Variants in BBS7 observed in about 807,000 individuals in gnomAD.
BBS7 encodes BBSome complex member BBS7.
In BBS7, 50 loss-of-function variants were observed where a neutral mutation model predicts 90.3. That is an observed-to-expected ratio of 0.55 (90% CI 0.44 to 0.70). The LOEUF is 0.70. Ranked by LOEUF, BBS7 falls within the 30% of genes least tolerant of loss-of-function variation. The pLI, the probability that BBS7 is intolerant of heterozygous loss-of-function variation, is 0.00. For synonymous variants in BBS7, 235 were observed against 287.4 expected (o/e 0.82, Z 1.85); for missense variants, 729 against 838.9 (o/e 0.87, Z 1.62).
intron 1 of BBS7, among the ~76,000 whole-genome samples, chr4:121,868,374 A>G (rs1727398377): frequency 6.6e-6 from 1 of 152,124 alleles, no homozygotes; most frequent in Non-Finnish European, 1.5e-5. Context: ...TTGAAAATAG[A>G]TTATAGTTAT....
Position 121,826,012 on chromosome 4 carries a change from A to G in BBS7, c.2015-19T>C. 6.4e-7 allele frequency: 1 copy of G among 1,570,490 alleles called. No individual in the cohort carries two copies. On this transcript the variant is annotated intron_variant, in intron 18 of 18. Coordinates refer to ENST00000264499, the MANE Select transcript of BBS7 (RefSeq NM_176824.3). ...ATCATGCCTTTAAAGAAAAAACATA[A>G]ATTTCCTGTCAGTGATTAGTTATAT...
chr4:121,855,085 A>G (rs1726533755), intron 6 of BBS7, among the ~76,000 whole-genome samples: 1 of 151,908 alleles, frequency 6.6e-6, no homozygotes, highest in South Asian at 2.1e-4. Context: ...GACTGAGGTG[A>G]GAGGATCCCT....
intron 2 of BBS7, among the ~76,000 whole-genome samples, chr4:121,865,271 C>T (rs961956351): frequency 3.3e-5 from 5 of 151,140 alleles, no homozygotes. Context: ...AGAGTTTTGC[C>T]CTTGTCGGCC....
Position 121,825,778 on chromosome 4 carries a change from C to CA in BBS7, c.*81dup. ...TAAAAAAGCATTTGAAATTAAAGTA[C>CA]ATACACAGTTAACTTCTAATTCTCT... On this transcript the variant is annotated 3_prime_UTR_variant, in exon 19 of 19. Coordinates refer to ENST00000264499, the MANE Select transcript of BBS7 (RefSeq NM_176824.3). 7.0e-7 allele frequency: 1 copy of CA among 1,420,176 alleles called. No homozygotes were observed. Among genetic ancestry groups the CA allele is most frequent in the South Asian group, 1.2e-5 (1 of 82,886 alleles). The allele number at this position is 1,420,176 out of a possible 1,614,324, so 88.0% of individuals were successfully genotyped here.
Position 121,870,326 on chromosome 4 carries a change from G to T in BBS7, c.-13C>A, listed in dbSNP as rs545894476. On this transcript the variant is annotated 5_prime_UTR_variant, in exon 1 of 19. Transcript: ENST00000264499. ...AAATCAGATCCATGATGACTACGCG[G>T]AGGGGCTAAGCAGCGCCGGACAAGA... The T allele has an allele frequency of 6.2e-7, 1 of 1,614,034 alleles. No individual in the cohort carries two copies. The highest frequency in any genetic ancestry group is 8.5e-7 in the Non-Finnish European group (1 of 1,180,010).
intron 14 of BBS7, 138 bp from the exon 15 acceptor site, chr4:121,833,533 C>A (rs749458149): frequency 7.4e-6 from 6 of 812,352 alleles, no homozygotes; most frequent in Non-Finnish European, 5.9e-6. Context: ...TAATCTTATA[C>A]GTCAAATAAA....
At position 121,861,516 on chromosome 4, in the gene BBS7, C is replaced by T. The variant is rs775395171; in HGVS notation, c.329G>A (p.Ser110Asn). 12 of 1,612,034 alleles carry T rather than the reference C, an allele frequency of 7.4e-6. No individual in the cohort carries two copies. The East Asian group carries it at 2.0e-4, about 27-fold the overall frequency. The part of the protein sequence containing the change: ...FLSFETNLTE[S>N]IKAMHISGSD... ...ACAAAAGACATACATAGCTTTAATG[C>T]TTTCAGTGAGGTTTGTTTCAAAGGA... The change falls in exon 4 of 19, where the codon AGC becomes AAC. Residue 110 changes from serine (S) to asparagine (N), a missense_variant. Ser to Asn is a conservative substitution (Grantham distance 46, BLOSUM62 1). Coordinates refer to ENST00000264499, the MANE Select transcript of BBS7 (RefSeq NM_176824.3).
intron 5 of BBS7, among the ~76,000 whole-genome samples, chr4:121,857,291 A>AT (rs1423482828): frequency 2.0e-5 from 3 of 150,486 alleles, no homozygotes; most frequent in East Asian, 2.0e-4. Context: ...GCCCAGCTAA[A>AT]TTTTTTTTAA....
In BBS7 at chr4:121,825,992, G is replaced by A. The variant is rs1323107007; in HGVS notation, c.2016C>T (p.Gly672=). ...TATCTATGAAAAGATCAGTGATCATGCCTTTAAAGAAAAAACATAAATTTC... is the reference window on the plus strand; with the variant it reads ...TATCTATGAAAAGATCAGTGATCATACCTTTAAAGAAAAAACATAAATTTC... ...KQPAHLERLY[G]MITDLFIDKF... Residue 672 remains glycine, a splice_region_variant and synonymous_variant, in exon 19 of 19, where the codon GGC becomes GGT. Coordinates refer to ENST00000264499, the MANE Select transcript of BBS7 (RefSeq NM_176824.3). 6 of 1,593,530 alleles carry A rather than the reference G, an allele frequency of 3.8e-6. No homozygotes were observed. The highest frequency in any genetic ancestry group is 1.1e-5 in the South Asian group (1 of 90,546).
In BBS7 at chr4:121,847,510, T is replaced by C. The variant is rs373824353; in HGVS notation, c.935-4A>G. ...GTTGTCAGACCTGTAACCCAGCCTG[T>C]AGAGATGAATTACAATCACGCACCA... On this transcript the variant is annotated splice_region_variant and splice_polypyrimidine_tract_variant and intron_variant, in intron 9 of 18. Transcript: ENST00000264499. 1 of 1,595,210 alleles carries C rather than the reference T, an allele frequency of 6.3e-7. No individual in the cohort carries two copies. Among genetic ancestry groups the C allele is most frequent in the Non-Finnish European group, 8.6e-7 (1 of 1,163,114 alleles).
At chr4:121,859,258 T>C in intron 4 of BBS7, 80 bp from the exon 5 acceptor site, 2 of 1,175,446 alleles carry the variant, frequency 1.7e-6, no homozygotes, top group Non-Finnish European at 2.5e-6. Context: ...GAAAAATGTA[T>C]ACAGTTTACT....
At chr4:121,860,198 A>C (rs1726901343) in intron 4 of BBS7, among the ~76,000 whole-genome samples, 2 of 151,962 alleles carry the variant, frequency 1.3e-5, no homozygotes, top group South Asian at 2.1e-4. Context: ...GAAATTCTCT[A>C]TGTTTTTCAA....
chr4:121,863,347 G>T, intron 2 of BBS7, 68 bp from the exon 3 acceptor site: 1 of 1,327,930 alleles, frequency 7.5e-7, no homozygotes, highest in Non-Finnish European at 1.1e-6. Context: ...TATATACAGG[G>T]AAAGCAAGAT....
At chr4:121,826,740 T>C (rs1724928372) in intron 18 of BBS7, among the ~76,000 whole-genome samples, 1 of 152,136 alleles carries the variant, frequency 6.6e-6, no homozygotes, top group East Asian at 1.9e-4. Flanking sequence ...TCCCAGCACT[T>C]TGGGAGGCTG....
intron 1 of BBS7, among the ~76,000 whole-genome samples, chr4:121,868,260 A>T (rs192077801): frequency 3.7e-4 from 57 of 152,346 alleles, no homozygotes; most frequent in Admixed American, 2.1e-3. Flanking sequence ...GTCAAGCCAA[A>T]AATAGTTGTG....
intron 1 of BBS7, among the ~76,000 whole-genome samples, chr4:121,868,491 A>G (rs1462328608): frequency 6.6e-6 from 1 of 151,860 alleles, no homozygotes; most frequent in Non-Finnish European, 1.5e-5. Context: ...AACACCATCT[A>G]GGCAACACAG....
chr4:121,833,285 A>G lies in BBS7; in HGVS notation c.1622T>C (p.Val541Ala). The G allele has an allele frequency of 6.2e-7, 1 of 1,614,008 alleles. No individual in the cohort carries two copies. Residue 541 changes from valine (V) to alanine (A), a missense_variant, in exon 15 of 19, where the codon GTG becomes GCG. By Grantham distance (64) the Val-to-Ala change is moderately conservative (BLOSUM62 0). Transcript: ENST00000264499. The stretch of plus-strand genomic sequence containing the variant: ...AAAGGTGTTCTGAAAGTAAAATGTC[A>G]CACATTCTCCTGCTGGAGGTTTTTC... ...VPEKPPAGEC[V>A]TFYFQNTFLD...
chr4:121,852,834 A>C, intron 8 of BBS7, 122 bp downstream of exon 8: 1 of 1,007,610 alleles, frequency 9.9e-7, no homozygotes, highest in Non-Finnish European at 1.5e-6. Context: ...ACATCAAAAT[A>C]GCAATATTTT....
intron 14 of BBS7, among the ~76,000 whole-genome samples, chr4:121,834,803 A>G (rs1180999298): frequency 1.3e-5 from 2 of 152,176 alleles, no homozygotes; most frequent in African/African-American, 4.8e-5. Flanking sequence ...ATAATATTTG[A>G]GGCTGATACA....
Sources: gnomAD v4.1 joint callset for allele counts (sites outside exome capture counted in the v4.1 genomes callset) on GRCh38, gnomAD v4.1.1 for gene constraint, MANE v1.5 for transcripts, NCBI Gene and HGNC (gene_info 2026-07-23, HGNC 2026-07-21) for gene names.